CNTN4: variants seen among roughly 807,000 people sequenced by gnomAD.
CNTN4 encodes contactin-4.
CNTN4 carries 77 observed loss-of-function variants against 122.5 expected under a neutral mutation model. That is an observed-to-expected ratio of 0.63 (90% CI 0.52 to 0.76). CNTN4 has a LOEUF of 0.76. Ranked by LOEUF, CNTN4 falls within the 30% of genes least tolerant of loss-of-function variation. CNTN4 has a pLI of 0.00. For missense variants in CNTN4, 1,256 were observed against 1,259.1 expected, an observed-to-expected ratio of 1.00 and a Z score of 0.04; for synonymous variants, 512 against 447.0, an observed-to-expected ratio of 1.15 and a Z score of -1.83.
At chr3:2,449,872 T>C (rs147952213) in intron 3 of CNTN4, among the ~76,000 whole-genome samples, 136 of 152,308 alleles carry the variant, frequency 8.9e-4, no homozygotes, top group African/African-American at 3.2e-3. Flanking sequence ...ATGATTTCAC[T>C]TATTTGTGTT....
chr3:2,895,760 C>T (rs1227665911), intron 10 of CNTN4, among the ~76,000 whole-genome samples: 12 of 152,156 alleles, frequency 7.9e-5, no homozygotes, highest in African/African-American at 1.7e-4. Context: ...AGGGGCTGGG[C>T]GCAGTGGCTC....
chr3:2,212,959 C>T (rs981370532), intron 2 of CNTN4, among the ~76,000 whole-genome samples: 11 of 152,052 alleles, frequency 7.2e-5, no homozygotes, highest in African/African-American at 2.2e-4. Context: ...CTCATCAGAG[C>T]GCTCATGATA....
At chr3:2,233,040 T>C (rs1292962423) in intron 2 of CNTN4, among the ~76,000 whole-genome samples, 1 of 152,136 alleles carries the variant, frequency 6.6e-6, no homozygotes, top group Non-Finnish European at 1.5e-5. Flanking sequence ...AATTGGTTAA[T>C]GGGGCGCCTG....
chr3:2,649,619 G>A (rs184966726), intron 4 of CNTN4, among the ~76,000 whole-genome samples: 48 of 152,296 alleles, frequency 3.2e-4, no homozygotes, highest in African/African-American at 1.0e-3. Flanking sequence ...TAAGAGCTCT[G>A]ATGGAGATAT....
intron 7 of CNTN4, 86 bp from the exon 8 acceptor site, chr3:2,866,665 AT>A (rs2093727287): frequency 7.4e-7 from 1 of 1,347,636 alleles, no homozygotes; most frequent in South Asian, 1.2e-5. Flanking sequence ...CAATGTATAC[AT>A]TTTTAACCTG....
intron 13 of CNTN4, among the ~76,000 whole-genome samples, chr3:2,949,376 T>A (rs1197168819): frequency 6.6e-6 from 1 of 152,212 alleles, no homozygotes; most frequent in Non-Finnish European, 1.5e-5. Flanking sequence ...TTATGAAGTT[T>A]GTTTTTTCTG....
At chr3:2,712,509 TTAATA>T (rs1452725015) in intron 4 of CNTN4, among the ~76,000 whole-genome samples, 12 of 152,154 alleles carry the variant, frequency 7.9e-5, no homozygotes, top group African/African-American at 2.9e-4. Context: ...ACAGATTTAT[TTAATA>T]TAAGTTTTAT....
At chr3:2,963,839 C>G (rs569085794) in intron 13 of CNTN4, among the ~76,000 whole-genome samples, 49 of 152,258 alleles carry the variant, frequency 3.2e-4, no homozygotes, top group African/African-American at 1.1e-3. Flanking sequence ...CATTATTTGT[C>G]TTATTTATTG....
chr3:2,406,536 G>C (rs538521258), intron 3 of CNTN4, among the ~76,000 whole-genome samples: 2 of 152,150 alleles, frequency 1.3e-5, no homozygotes, highest in Non-Finnish European at 2.9e-5. Flanking sequence ...GGTTATGTAA[G>C]GTATGAACCT....
At chr3:2,605,103 C>G (rs552579352) in intron 4 of CNTN4, among the ~76,000 whole-genome samples, 1 of 152,170 alleles carries the variant, frequency 6.6e-6, no homozygotes, top group East Asian at 1.9e-4. Context: ...AACTGCTGAG[C>G]TCAAGTGATC....
At chr3:2,120,812 T>C (rs2033724967) in intron 2 of CNTN4, among the ~76,000 whole-genome samples, 1 of 152,066 alleles carries the variant, frequency 6.6e-6, no homozygotes, top group Non-Finnish European at 1.5e-5. Context: ...AAATACTGTC[T>C]AAGTGAATTT....
chr3:2,558,563 C>T (rs146623618), intron 3 of CNTN4, among the ~76,000 whole-genome samples: 5 of 152,148 alleles, frequency 3.3e-5, no homozygotes, highest in Admixed American at 1.3e-4. Flanking sequence ...AAAGGGCACA[C>T]GAGGCCAGTA....
intron 13 of CNTN4, among the ~76,000 whole-genome samples, chr3:2,948,470 A>T (rs1482802610): frequency 6.6e-6 from 1 of 152,178 alleles, no homozygotes; most frequent in Admixed American, 6.5e-5. Flanking sequence ...AGAGTGAACA[A>T]GTATTTATTG....
intron 4 of CNTN4, among the ~76,000 whole-genome samples, chr3:2,635,912 C>G (rs1166507672): frequency 6.6e-6 from 1 of 152,190 alleles, no homozygotes; most frequent in Non-Finnish European, 1.5e-5. Context: ...CCAGACCCCT[C>G]ACGCATCATT....
At chr3:2,942,000 G>T (rs1194967317) in intron 13 of CNTN4, among the ~76,000 whole-genome samples, 2 of 152,052 alleles carry the variant, frequency 1.3e-5, no homozygotes, top group African/African-American at 2.4e-5. Context: ...TTCTGAATTT[G>T]TAATTCCATA....
intron 3 of CNTN4, among the ~76,000 whole-genome samples, chr3:2,440,577 A>T (rs968944833): frequency 6.6e-6 from 1 of 152,088 alleles, no homozygotes; most frequent in Non-Finnish European, 1.5e-5. Context: ...ATTTGAGAAT[A>T]GAGACATGTG....
At chr3:2,241,726 C>A (rs910362840) in intron 2 of CNTN4, among the ~76,000 whole-genome samples, 3 of 152,148 alleles carry the variant, frequency 2.0e-5, no homozygotes, top group Admixed American at 1.3e-4. Flanking sequence ...ACTTCTCTTC[C>A]CCATGTTCCC....
rs186419998 is a variant in CNTN4 at position 2,602,665 on chromosome 3, C to T, written c.55+31107C>T. Among the ~76,000 whole-genome samples the T allele has an allele frequency of 5.0e-4, 76 of 152,168 alleles. No homozygotes were observed. The East Asian group carries it at 5.0e-3, about 10-fold the overall frequency. On this transcript the variant is annotated intron_variant, in intron 4 of 24. Transcript: ENST00000418658. ...ATATCATGAAAATGGCCATACTGTC[C>T]AAGGTAATTTATAGATTCAATGTCA...
At chr3:2,293,819 A>G (rs1198660974) in intron 2 of CNTN4, among the ~76,000 whole-genome samples, 1 of 152,104 alleles carries the variant, frequency 6.6e-6, no homozygotes, top group Non-Finnish European at 1.5e-5. Context: ...TTTTAAGTGT[A>G]GGCAGTTCTC....
Sources: gnomAD v4.1 joint callset for allele counts (sites outside exome capture counted in the v4.1 genomes callset) on GRCh38, gnomAD v4.1.1 for gene constraint, MANE v1.5 for transcripts, NCBI Gene and HGNC (gene_info 2026-07-23, HGNC 2026-07-21) for gene names.